The following USP10 variants were observed in gnomAD, a reference collection of about 807,000 sequenced individuals.
USP10 encodes the protein ubiquitin carboxyl-terminal hydrolase 10.
A neutral mutation model predicts 84.5 loss-of-function variants in USP10; 22 were observed. The observed-to-expected ratio is 0.26, with a 90% CI of 0.19 to 0.37. The LOEUF (loss-of-function observed/expected upper bound fraction) is 0.37, where lower values mean the gene tolerates loss of function less well. USP10 is among the 10% of genes least tolerant of loss of function. The pLI is 1.00. For missense variants in USP10, 1,019 were observed against 998.9 expected (o/e 1.02, Z -0.27); for synonymous variants, 454 against 387.6 (o/e 1.17, Z -2.01).
At chr16:84,776,880 T>A (rs1455562471) in intron 13 of USP10, among the ~76,000 whole-genome samples, 2 of 152,142 alleles carry the variant, frequency 1.3e-5, no homozygotes, top group Non-Finnish European at 2.9e-5. Context: ...TGGCACAGTC[T>A]CCATTCACTG....
chr16:84,764,172 G>A lies in USP10; in HGVS notation c.1741G>A (p.Glu581Lys), dbSNP rs770708347. The change falls in exon 10 of 14, where the codon GAA becomes AAA. Residue 581 changes from glutamate (E) to lysine (K), a missense_variant. Glu to Lys is a moderately conservative substitution (Grantham distance 56). Transcript: ENST00000219473. ...AGGTGAAGGAAGCGAGGATGAATGG[G>A]AACAAGTGGGCCCCCGGAACAAGAC... ...EQGEGSEDEWEQVGPRNKTSV... is the reference protein window; with the variant it reads ...EQGEGSEDEWKQVGPRNKTSV... 3 of 1,613,994 alleles carry A rather than the reference G, an allele frequency of 1.9e-6. No homozygotes were observed. Among genetic ancestry groups the A allele is most frequent in the Non-Finnish European group, 2.5e-6 (3 of 1,179,858 alleles).
chr16:84,709,121 A>G (rs1905934828), intron 1 of USP10: 1 of 152,268 alleles, frequency 6.6e-6, no homozygotes, highest in Non-Finnish European at 1.5e-5. Flanking sequence ...GATGAGCGAA[A>G]ACAGGCATTG....
intron 1 of USP10, among the ~76,000 whole-genome samples, chr16:84,721,182 A>G (rs1359192722): frequency 6.6e-6 from 1 of 152,046 alleles, no homozygotes; most frequent in East Asian, 1.9e-4. Context: ...GTGAGCCACC[A>G]TGCCCGGCAA....
intron 4 of USP10, among the ~76,000 whole-genome samples, chr16:84,747,077 G>A (rs1301847382): frequency 6.6e-6 from 1 of 152,190 alleles, no homozygotes; most frequent in African/African-American, 2.4e-5. Flanking sequence ...GAATCTTGTG[G>A]GACCATCATA....
intron 7 of USP10, 103 bp from the exon 8 acceptor site, chr16:84,760,069 C>T: frequency 1.3e-6 from 2 of 1,515,908 alleles, no homozygotes; most frequent in Non-Finnish European, 1.8e-6. Context: ...CCATTCTCAA[C>T]ATTCAGCCAG....
At chr16:84,733,925 A>C (rs768240816) in intron 2 of USP10, among the ~76,000 whole-genome samples, 1 of 152,202 alleles carries the variant, frequency 6.6e-6, no homozygotes, top group Non-Finnish European at 1.5e-5. Flanking sequence ...GTTTATTTTA[A>C]GCTAACGTTG....
intron 4 of USP10, among the ~76,000 whole-genome samples, chr16:84,756,642 G>A (rs553533909): frequency 6.6e-6 from 1 of 152,088 alleles, no homozygotes; most frequent in African/African-American, 2.4e-5. Context: ...TGAGTCTTAA[G>A]GTTAGGTTTA....
At chr16:84,737,161 C>T (rs1451275070) in intron 2 of USP10, among the ~76,000 whole-genome samples, 1 of 152,198 alleles carries the variant, frequency 6.6e-6, no homozygotes, top group African/African-American at 2.4e-5. Context: ...GAAAGCAGAA[C>T]ACACAGGTAG....
rs113910819 is a variant in USP10 at position 84,732,426 on chromosome 16, C to A, written c.22-1009C>A. 3.1e-3 allele frequency: 1,263 copies of A among 401,416 alleles called. 7 individuals carry two copies. The highest frequency in any genetic ancestry group is 0.025 in the African/African-American group (1,144 of 46,012). 24.9% of individuals were successfully genotyped at this position (401,416 alleles called of 1,614,324 possible). The stretch of plus-strand genomic sequence containing the variant: ...CGTTGTGGAAATTGCTAATTCTTCT[C>A]AATGACTTCTTCTTCTTCTTTTTTT... On this transcript the variant is annotated intron_variant, in intron 1 of 13. Coordinates refer to ENST00000219473, the MANE Select transcript of USP10 (RefSeq NM_005153.3).
At chr16:84,769,059 A>C (rs368276487) in intron 11 of USP10, among the ~76,000 whole-genome samples, 6 of 152,164 alleles carry the variant, frequency 3.9e-5, no homozygotes, top group African/African-American at 1.4e-4. Flanking sequence ...TCTCTGTTAT[A>C]TATCTTAGGT....
At chr16:84,747,303 G>C (rs1911344480) in intron 4 of USP10, among the ~76,000 whole-genome samples, 1 of 152,180 alleles carries the variant, frequency 6.6e-6, no homozygotes, top group Non-Finnish European at 1.5e-5. Flanking sequence ...TTCATTACCA[G>C]GATGTAGCAG....
At chr16:84,740,402 G>T in intron 3 of USP10, 33 bp downstream of exon 3, 1 of 1,597,688 alleles carries the variant, frequency 6.3e-7, no homozygotes, top group South Asian at 1.1e-5. Context: ...TCCCTGAAGG[G>T]AATTTGGCCA....
At chr16:84,735,392 A>G (rs756619709) in intron 2 of USP10, among the ~76,000 whole-genome samples, 2 of 152,162 alleles carry the variant, frequency 1.3e-5, no homozygotes, top group Non-Finnish European at 2.9e-5. Flanking sequence ...TTGAGTTTTC[A>G]TGTGATAGGA....
At chr16:84,774,475 T>C (rs77835484) in intron 12 of USP10, among the ~76,000 whole-genome samples, 2,157 of 151,956 alleles carry the variant, frequency 0.014, 42 homozygotes, top group African/African-American at 0.049. Flanking sequence ...TTGTTTTGTT[T>C]TTTTTTTGTT....
At chr16:84,745,758 CAA>C in intron 4 of USP10, 85 bp downstream of exon 4, 1 of 1,374,318 alleles carries the variant, frequency 7.3e-7, no homozygotes, top group Non-Finnish European at 9.9e-7. Flanking sequence ...TTACCCATAA[CAA>C]TGGCAGATTA....
At chr16:84,712,079 C>G (rs1323611986) in intron 1 of USP10, among the ~76,000 whole-genome samples, 1 of 152,076 alleles carries the variant, frequency 6.6e-6, no homozygotes, top group African/African-American at 2.4e-5. Flanking sequence ...GCCCTTGCTG[C>G]TTTTGGGTGG....
intron 1 of USP10, among the ~76,000 whole-genome samples, chr16:84,727,193 C>G (rs1182941824): frequency 6.6e-6 from 1 of 152,182 alleles, no homozygotes; most frequent in Non-Finnish European, 1.5e-5. Context: ...CTGAATTGTT[C>G]TGTATTTTAT....
intron 2 of USP10, among the ~76,000 whole-genome samples, chr16:84,736,091 TGAGTGGC>T (rs1909902185): frequency 6.6e-6 from 1 of 151,800 alleles, no homozygotes; most frequent in Non-Finnish European, 1.5e-5. Flanking sequence ...TGTGGGTGTG[TGAGTGGC>T]GAGGGGAGGG....
intron 11 of USP10, among the ~76,000 whole-genome samples, chr16:84,770,400 T>TGAAGG (rs1487404305): frequency 6.6e-6 from 1 of 152,188 alleles, no homozygotes; most frequent in East Asian, 1.9e-4. Flanking sequence ...TGGGAACATG[T>TGAAGG]GAAGGTTTTG....
Sources: allele counts gnomAD v4.1 joint callset (sites outside exome capture counted in the v4.1 genomes callset), GRCh38; gene constraint gnomAD v4.1.1; transcripts MANE v1.5; gene names NCBI Gene and HGNC (gene_info 2026-07-23, HGNC 2026-07-21).